The following PDE1A variants were observed in gnomAD, a reference collection of about 807,000 sequenced individuals.
The protein encoded by PDE1A is dual specificity calcium/calmodulin-dependent 3',5'-cyclic nucleotide phosphodiesterase 1A.
PDE1A carries 35 observed loss-of-function variants against 61.7 expected under a neutral mutation model. That is an observed-to-expected ratio of 0.57 (90% CI 0.43 to 0.75). The LOEUF (loss-of-function observed/expected upper bound fraction) is 0.75. Among genes scored for constraint, PDE1A ranks in the 30% least tolerant of loss-of-function variants. PDE1A has a pLI of 0.00. For missense variants in PDE1A, 597 were observed against 630.6 expected (o/e 0.95, Z 0.57); for synonymous variants, 232 against 213.2 (o/e 1.09, Z -0.77).
the PDE1A span, among the ~76,000 whole-genome samples, chr2:182,621,170 C>T: frequency 2.6e-5 from 4 of 152,154 alleles, no homozygotes; most frequent in Non-Finnish European, 4.4e-5. Flanking sequence ...GAGCAGATCC[C>T]TTTCTATCTT....
intron 5 of PDE1A, 50 bp from the exon 6 acceptor site, chr2:182,230,196 A>C: frequency 6.9e-7 from 1 of 1,456,004 alleles, no homozygotes; most frequent in Non-Finnish European, 9.5e-7. Flanking sequence ...AAGTGGTACT[A>C]AATCAACCTG....
intron 2 of PDE1A, among the ~76,000 whole-genome samples, chr2:182,455,810 G>A (rs1392494843): frequency 3.3e-5 from 5 of 151,846 alleles, no homozygotes; most frequent in Non-Finnish European, 7.4e-5. Flanking sequence ...AATGCTAAAT[G>A]ACGAGTTAAT....
Position 182,246,151 on chromosome 2 carries a change from C to G in PDE1A, c.168-5859G>C, listed in dbSNP as rs1690930010. Among the ~76,000 whole-genome samples the G allele has an allele frequency of 2.6e-5, 4 of 152,206 alleles. No homozygotes were observed. The South Asian group carries it at 8.3e-4, about 31-fold the overall frequency. ...CTAAGTCTCCAACCTCACCTTTTAA[C>G]CAGTTCCCCTTTATTCATTTTGCTC... On this transcript the variant is annotated intron_variant, in intron 2 of 13. Transcript: ENST00000351439.
Position 182,176,208 on chromosome 2 carries a change from C to A in PDE1A, c.1517-7918G>T, listed in dbSNP as rs1466152712. ...CATAGGAACTTTAAAGTAGTTTTTTCCAATTCTGTGAAGAAAGTCATTGGT... is the reference window on the plus strand; with the variant it reads ...CATAGGAACTTTAAAGTAGTTTTTTACAATTCTGTGAAGAAAGTCATTGGT... On this transcript the variant is annotated intron_variant, in intron 13 of 13. Transcript: ENST00000351439. Among the ~76,000 whole-genome samples the A allele has an allele frequency of 2.0e-5, 3 of 147,956 alleles. 1 individual carries two copies. The highest frequency in any genetic ancestry group is 5.3e-5 in the African/African-American group (2 of 38,058).
At chr2:182,608,698 G>A in the PDE1A span, among the ~76,000 whole-genome samples, 2 of 152,208 alleles carry the variant, frequency 1.3e-5, no homozygotes, top group Admixed American at 6.5e-5. Flanking sequence ...GTGGACTCCT[G>A]CGCCTCCGGA....
the PDE1A span, among the ~76,000 whole-genome samples, chr2:182,565,165 T>C: frequency 6.6e-6 from 1 of 152,236 alleles, no homozygotes; most frequent in Non-Finnish European, 1.5e-5. Context: ...TGCTCTGTTC[T>C]TTCCCCATCT....
chr2:182,316,037 G>C (rs1358635079), intron 1 of PDE1A, among the ~76,000 whole-genome samples: 1 of 152,178 alleles, frequency 6.6e-6, no homozygotes, highest in African/African-American at 2.4e-5. Flanking sequence ...TGAACTCAGA[G>C]GAGACATCCT....
At chr2:182,547,112 A>G in the PDE1A span, among the ~76,000 whole-genome samples, 1 of 152,222 alleles carries the variant, frequency 6.6e-6, no homozygotes, top group African/African-American at 2.4e-5. Context: ...ATTAGGGGTA[A>G]ATACATCTAA....
At chr2:182,606,772 A>G in the PDE1A span, among the ~76,000 whole-genome samples, 4 of 152,236 alleles carry the variant, frequency 2.6e-5, no homozygotes, top group African/African-American at 9.6e-5. Context: ...GAAAGTATTC[A>G]TGAGAAAATG....
intron 1 of PDE1A, among the ~76,000 whole-genome samples, chr2:182,323,034 C>T (rs906001351): frequency 1.3e-5 from 2 of 152,000 alleles, no homozygotes; most frequent in African/African-American, 4.8e-5. Context: ...TATAACTATT[C>T]TACATCTTGT....
intron 2 of PDE1A, among the ~76,000 whole-genome samples, chr2:182,463,055 A>C (rs1686412059): frequency 6.6e-6 from 1 of 151,976 alleles, no homozygotes; most frequent in African/African-American, 2.4e-5. Context: ...AGCCTGGCCA[A>C]CGGGGAGAAA....
chr2:182,566,781 T>C, the PDE1A span, among the ~76,000 whole-genome samples: 1 of 152,112 alleles, frequency 6.6e-6, no homozygotes, highest in Non-Finnish European at 1.5e-5. Context: ...CATCTACCAG[T>C]TGTGAGTTGA....
At chr2:182,618,373 A>G in the PDE1A span, among the ~76,000 whole-genome samples, 8 of 152,216 alleles carry the variant, frequency 5.3e-5, no homozygotes, top group Non-Finnish European at 7.3e-5. Context: ...GAATAGAGAA[A>G]TTATAATAGC....
chr2:182,713,251 T>C, the PDE1A span, among the ~76,000 whole-genome samples: 2 of 152,216 alleles, frequency 1.3e-5, no homozygotes, highest in Non-Finnish European at 2.9e-5. Flanking sequence ...TAATTACAGA[T>C]TTGTTTGAAT....
the PDE1A span, among the ~76,000 whole-genome samples, chr2:182,699,148 G>A: frequency 6.6e-6 from 1 of 152,216 alleles, no homozygotes; most frequent in Non-Finnish European, 1.5e-5. Flanking sequence ...AAAGGGATAG[G>A]TGGTAATATT....
the PDE1A span, among the ~76,000 whole-genome samples, chr2:182,638,577 C>T: frequency 6.6e-6 from 1 of 152,102 alleles, no homozygotes; most frequent in African/African-American, 2.4e-5. Context: ...AAAAAGATGG[C>T]TTTCTCTTCT....
chr2:182,467,881 A>G (rs984335670), intron 2 of PDE1A, among the ~76,000 whole-genome samples: 6 of 151,894 alleles, frequency 4.0e-5, no homozygotes, highest in African/African-American at 1.4e-4. Flanking sequence ...AGTTACACAG[A>G]TTTTCTGGTT....
At chr2:182,339,854 T>C (rs1483446141) in intron 1 of PDE1A, among the ~76,000 whole-genome samples, 1 of 152,182 alleles carries the variant, frequency 6.6e-6, no homozygotes, top group African/African-American at 2.4e-5. Flanking sequence ...TATTCTTATG[T>C]TTTGTGAAAG....
chr2:182,436,813 T>C (rs1684456801), intron 2 of PDE1A, among the ~76,000 whole-genome samples: 1 of 152,036 alleles, frequency 6.6e-6, no homozygotes, highest in Non-Finnish European at 1.5e-5. Context: ...ATAGTTCGCA[T>C]ATTACAGTAA....
Sources: allele counts gnomAD v4.1 joint callset (sites outside exome capture counted in the v4.1 genomes callset), GRCh38; gene constraint gnomAD v4.1.1; transcripts MANE v1.5; gene names NCBI Gene and HGNC (gene_info 2026-07-23, HGNC 2026-07-21).